Variants in EPHA6 observed in about 807,000 individuals in gnomAD.
The protein encoded by EPHA6 is EPH receptor A6, also known as ephrin type-A receptor 6.
A neutral mutation model predicts 112.0 loss-of-function variants in EPHA6; 50 were observed. That is an observed-to-expected ratio of 0.45 (90% CI 0.36 to 0.56). EPHA6 has a LOEUF of 0.56. Ranked by LOEUF, EPHA6 falls within the 20% of genes least tolerant of loss-of-function variation. The probability of loss-of-function intolerance (pLI) is 0.00; values close to 1 mark genes in which losing one functional copy is unlikely to be tolerated. For synonymous variants in EPHA6, 529 were observed against 490.7 expected, an observed-to-expected ratio of 1.08 and a Z score of -1.03; for missense variants, 1,280 against 1,417.4, an observed-to-expected ratio of 0.90 and a Z score of 1.56.
intron 2 of EPHA6, among the ~76,000 whole-genome samples, chr3:96,955,884 A>C (rs1003797239): frequency 6.6e-6 from 1 of 152,312 alleles, no homozygotes; most frequent in Middle Eastern, 3.4e-3. Context: ...ACAAATACAA[A>C]CTATGTTTTT....
intron 13 of EPHA6, 29 bp from the exon 14 acceptor site, chr3:97,637,844 C>T: frequency 6.4e-7 from 1 of 1,560,936 alleles, no homozygotes; most frequent in Non-Finnish European, 8.8e-7. Flanking sequence ...TAAAATAAAT[C>T]AATTTACACA....
chr3:97,226,348 C>A lies in EPHA6; in HGVS notation c.1199C>A (p.Ala400Glu), dbSNP rs910812697. The change falls in exon 4 of 18, where the codon GCA becomes GAA. Residue 400 changes from alanine (A) to glutamate (E), a missense_variant. Coordinates refer to ENST00000389672, the MANE Select transcript of EPHA6 (RefSeq NM_001080448.3). ...CCACACAGTTTAACATACATGGAAG[C>A]AACTTCTGTCTGTCAGTGTGAAAAG... ...CPPHSLTYME[A>E]TSVCQCEKGY... The A allele has an allele frequency of 2.5e-6, 4 of 1,613,612 alleles. No homozygotes were observed. The African/African-American group carries it at 5.3e-5, about 22-fold the overall frequency.
rs995798632 is a variant in EPHA6 at position 97,760,785 on chromosome 3, T to TA, written c.*12090dup. 5.5e-6 allele frequency: 1 copy of TA among 180,408 alleles called. No individual in the cohort carries two copies. Among genetic ancestry groups the TA allele is most frequent in the Non-Finnish European group, 1.2e-5 (1 of 84,542 alleles). The allele number at this position is 180,408 out of a possible 1,614,324, so 11.2% of individuals were successfully genotyped here. A position where few individuals can be genotyped will look rare whatever the true frequency, so the allele number is the denominator to read the frequency against. On this transcript the variant is annotated 3_prime_UTR_variant, in exon 18 of 18. Coordinates refer to ENST00000389672, the MANE Select transcript of EPHA6 (RefSeq NM_001080448.3). ...CCCTCATAGAGCTATATTTGACTAA[T>TA]AAAAAACGACAGCTAAAAATAATTT...
At chr3:97,394,750 G>A (rs182448574) in intron 5 of EPHA6, among the ~76,000 whole-genome samples, 1 of 151,652 alleles carries the variant, frequency 6.6e-6, no homozygotes, top group Admixed American at 6.6e-5. Context: ...AGTTAGAATG[G>A]CTATGATGAA....
At chr3:96,991,728 G>A (rs568475804) in intron 3 of EPHA6, among the ~76,000 whole-genome samples, 5 of 152,288 alleles carry the variant, frequency 3.3e-5, no homozygotes, top group Admixed American at 3.3e-4. Flanking sequence ...AATATAGCAT[G>A]TTGAAATCAG....
At chr3:97,748,523 C>A in intron 17 of EPHA6, 64 bp from the exon 18 acceptor site, 1 of 578,176 alleles carries the variant, frequency 1.7e-6, no homozygotes, top group Non-Finnish European at 3.0e-6. Flanking sequence ...CTGTATCTCT[C>A]TCTCTCTCTC....
At chr3:97,388,038 C>G (rs943423088) in intron 5 of EPHA6, among the ~76,000 whole-genome samples, 1 of 152,192 alleles carries the variant, frequency 6.6e-6, no homozygotes, top group African/African-American at 2.4e-5. Flanking sequence ...ACGAGAACAG[C>G]ACAAATGAAG....
chr3:97,444,176 A>T (rs1285716067), intron 6 of EPHA6, among the ~76,000 whole-genome samples: 1 of 152,184 alleles, frequency 6.6e-6, no homozygotes, highest in Admixed American at 6.5e-5. Context: ...CTTTACATAG[A>T]TATGTCTAGA....
intron 3 of EPHA6, among the ~76,000 whole-genome samples, chr3:97,181,985 T>C (rs2077000493): frequency 6.6e-6 from 1 of 152,170 alleles, no homozygotes; most frequent in African/African-American, 2.4e-5. Context: ...TTAGATCCCA[T>C]CTTCTTTAAT....
At chr3:97,511,817 C>T (rs1287648638) in intron 10 of EPHA6, among the ~76,000 whole-genome samples, 1 of 151,946 alleles carries the variant, frequency 6.6e-6, no homozygotes, top group Non-Finnish European at 1.5e-5. Flanking sequence ...ATGATATATC[C>T]AACCTAACAA....
intron 6 of EPHA6, among the ~76,000 whole-genome samples, chr3:97,445,367 C>T (rs1434547167): frequency 1.3e-5 from 2 of 152,110 alleles, no homozygotes; most frequent in Non-Finnish European, 2.9e-5. Flanking sequence ...TTTGGAGGTT[C>T]ACTTTATGCC....
intron 11 of EPHA6, among the ~76,000 whole-genome samples, chr3:97,544,495 A>G (rs1453192487): frequency 6.6e-6 from 1 of 152,214 alleles, no homozygotes; most frequent in Non-Finnish European, 1.5e-5. Context: ...TCGGTTTGCC[A>G]GTATTTTACT....
intron 7 of EPHA6, among the ~76,000 whole-genome samples, chr3:97,449,271 A>G (rs1165170014): frequency 6.6e-6 from 1 of 152,098 alleles, no homozygotes; most frequent in Non-Finnish European, 1.5e-5. Flanking sequence ...AATGTCATGT[A>G]ACATCAGCTT....
intron 3 of EPHA6, among the ~76,000 whole-genome samples, chr3:97,103,514 A>G (rs1349897580): frequency 1.3e-5 from 2 of 152,176 alleles, no homozygotes; most frequent in African/African-American, 4.8e-5. Flanking sequence ...TTGTTGTACC[A>G]GTACCATGCT....
intron 4 of EPHA6, among the ~76,000 whole-genome samples, chr3:97,238,021 T>C (rs1298471763): frequency 6.6e-6 from 1 of 152,014 alleles, no homozygotes; most frequent in African/African-American, 2.4e-5. Context: ...TGGACTAATA[T>C]TGAGGTTTTC....
At chr3:97,236,929 A>G (rs896341043) in intron 4 of EPHA6, among the ~76,000 whole-genome samples, 3 of 151,978 alleles carry the variant, frequency 2.0e-5, no homozygotes, top group Admixed American at 6.6e-5. Flanking sequence ...GGATGCTCAC[A>G]ATCCAAGCAT....
chr3:97,072,480 C>G (rs1203996468), intron 3 of EPHA6, among the ~76,000 whole-genome samples: 2 of 152,000 alleles, frequency 1.3e-5, no homozygotes, highest in Non-Finnish European at 2.9e-5. Flanking sequence ...TTTATCACAG[C>G]CGTTAGAAGG....
chr3:97,486,363 C>T lies in EPHA6; in HGVS notation c.2200+2304C>T, dbSNP rs529619856. ...GACAAAAGTATTATAACCTAACTTG[C>T]GCCCCTGGCCGTACTGCTCTGTTAA... On this transcript the variant is annotated intron_variant, in intron 10 of 17. Coordinates refer to ENST00000389672, the MANE Select transcript of EPHA6 (RefSeq NM_001080448.3). Among the ~76,000 whole-genome samples, 9 of 152,178 alleles carry T rather than the reference C, an allele frequency of 5.9e-5. No homozygotes were observed. In the South Asian group the frequency reaches 6.2e-4, roughly 11 times the overall value.
intron 5 of EPHA6, among the ~76,000 whole-genome samples, chr3:97,382,672 AG>A (rs2085824676): frequency 1.3e-5 from 2 of 152,046 alleles, no homozygotes; most frequent in African/African-American, 4.8e-5. Context: ...AAGATGGATC[AG>A]CAATTCAGTT....
Sources: allele counts gnomAD v4.1 joint callset (sites outside exome capture counted in the v4.1 genomes callset), GRCh38; gene constraint gnomAD v4.1.1; transcripts MANE v1.5; gene names NCBI Gene and HGNC (gene_info 2026-07-23, HGNC 2026-07-21).